Variants in PPP2R3B observed in about 807,000 individuals in gnomAD.
PPP2R3B encodes serine/threonine-protein phosphatase 2A regulatory subunit B'' subunit beta.
PPP2R3B carries 68 observed loss-of-function variants against 72.9 expected under a neutral mutation model. The ratio of observed to expected loss-of-function variants is 0.93; its 90% CI spans 0.77 to 1.14. PPP2R3B has a LOEUF of 1.14. PPP2R3B is among the 50% of genes most tolerant of loss of function. PPP2R3B has a pLI of 0.00. For missense variants in PPP2R3B, 1,018 were observed against 842.0 expected (o/e 1.21, Z -2.59); for synonymous variants, 466 against 375.8 (o/e 1.24, Z -2.78).
At chrX:338,293 G>C in intron 12 of PPP2R3B, 1 of 531,954 alleles carries the variant, frequency 1.9e-6, no homozygotes, top group Non-Finnish European at 3.4e-6. Context: ...GATAAGGACA[G>C]ACGTCGTTGG....
In PPP2R3B at chrX:351,172, C is replaced by T. The variant is rs754704698; in HGVS notation, c.511-3479G>A. On this transcript the variant is annotated intron_variant, in intron 2 of 12. Coordinates refer to ENST00000390665, the MANE Select transcript of PPP2R3B (RefSeq NM_013239.5). Reference sequence around the variant, plus strand: ...CCCCGCAGGACGCACAGGCACGTGCCGGCTCCCGTGATGAGGATCCTGACG... The same window carrying T: ...CCCCGCAGGACGCACAGGCACGTGCTGGCTCCCGTGATGAGGATCCTGACG... Among the ~76,000 whole-genome samples the T allele has an allele frequency of 3.9e-3, 598 of 152,252 alleles. 1 individual carries two copies. Among genetic ancestry groups the T allele is most frequent in the Non-Finnish European group, 6.9e-3 (466 of 67,992 alleles).
In PPP2R3B at chrX:361,559, G is replaced by A. The variant is rs200157354; in HGVS notation, c.356C>T (p.Pro119Leu). The change falls in exon 2 of 13, where the codon CCG becomes CTG. Residue 119 changes from proline (P) to leucine (L), a missense_variant. Coordinates refer to ENST00000390665, the MANE Select transcript of PPP2R3B (RefSeq NM_013239.5). ...VQTRKEEPLP[P>L]ATSQSIPTFY... is the part of the protein sequence containing the mutation. ...GGTCGGAATGCTTTGGCTCGTGGCCGGGGGCAGAGGCTCTTCTTTCCGTGT... is the reference window on the plus strand; with the variant it reads ...GGTCGGAATGCTTTGGCTCGTGGCCAGGGGCAGAGGCTCTTCTTTCCGTGT... The A allele has an allele frequency of 7.2e-5, 116 of 1,613,470 alleles. No homozygotes were observed. The highest frequency in any genetic ancestry group is 4.9e-4 in the African/African-American group (37 of 74,922).
chrX:341,086 T>TGCC, intron 9 of PPP2R3B, 146 bp from the exon 10 acceptor site: 12 of 1,101,790 alleles, frequency 1.1e-5, no homozygotes, highest in East Asian at 5.7e-5. Flanking sequence ...CCCTGCCCCC[T>TGCC]GCCGCCCCCA....
chrX:368,310 C>A (rs1302682676), intron 1 of PPP2R3B, among the ~76,000 whole-genome samples: 2 of 123,652 alleles, frequency 1.6e-5, no homozygotes, highest in Admixed American at 7.9e-5. Context: ...GGGGGGAAGG[C>A]CGGGACCACC....
At chrX:353,724 G>A (rs2071375446) in intron 2 of PPP2R3B, among the ~76,000 whole-genome samples, 2 of 152,234 alleles carry the variant, frequency 1.3e-5, no homozygotes, top group Non-Finnish European at 2.9e-5. Context: ...ACACTGTGTG[G>A]TGGACCAGGG....
chrX:335,627 T>C (rs978877302), intron 12 of PPP2R3B: 6 of 152,200 alleles, frequency 3.9e-5, no homozygotes, highest in Non-Finnish European at 8.8e-5. Flanking sequence ...GCGGTGTCCA[T>C]GGCCCACGTC....
intron 2 of PPP2R3B, among the ~76,000 whole-genome samples, chrX:358,951 A>G (rs774432508): frequency 2.2e-3 from 8 of 3,560 alleles, no homozygotes; most frequent in Admixed American, 0.013. Context: ...GGGGTAGGGG[A>G]GGGCGGGGCG....
Position 365,578 on chromosome X carries a change from CAT to C in PPP2R3B, c.325-3990_325-3989del, listed in dbSNP as rs1473829013. Among the ~76,000 whole-genome samples, 11 of 5,728 alleles carry C rather than the reference CAT, an allele frequency of 1.9e-3. 1 individual carries two copies. Among genetic ancestry groups the C allele is most frequent in the African/African-American group, 0.01 (8 of 792 alleles). 3.8% of individuals were successfully genotyped at this position (5,728 alleles called of 152,430 possible). ...AAACGATTAACCAGGTGTGGTGGCG[CAT>C]GCCTGTAATCCCAGCTACTCGGGAG... On this transcript the variant is annotated intron_variant, in intron 1 of 12. Coordinates refer to ENST00000390665, the MANE Select transcript of PPP2R3B (RefSeq NM_013239.5).
At position 351,529 on chromosome X, in the gene PPP2R3B, C is replaced by T. The variant is rs2071332837; in HGVS notation, c.511-3836G>A. ...GCTGGAGTGCAGTGTGTGATCACAGCGTGATCCATTTTTATTCTACTTGTT... is the reference window on the plus strand; with the variant it reads ...GCTGGAGTGCAGTGTGTGATCACAGTGTGATCCATTTTTATTCTACTTGTT... On this transcript the variant is annotated intron_variant, in intron 2 of 12. Coordinates refer to ENST00000390665, the MANE Select transcript of PPP2R3B (RefSeq NM_013239.5). Among the ~76,000 whole-genome samples the T allele has an allele frequency of 1.3e-5, 2 of 151,880 alleles. 1 individual carries two copies. The highest frequency in any genetic ancestry group is 1.3e-4 in the Admixed American group (2 of 15,220).
At chrX:358,939 C>T (rs867143473) in intron 2 of PPP2R3B, among the ~76,000 whole-genome samples, 3 of 2,820 alleles carry the variant, frequency 1.1e-3, no homozygotes, top group South Asian at 8.9e-3. Flanking sequence ...AGCACCGCGG[C>T]GGGGGTAGGG....
intron 1 of PPP2R3B, among the ~76,000 whole-genome samples, chrX:379,074 TGTGTGTATGCACCTAC>T (rs1341259316): frequency 3.4e-4 from 52 of 150,868 alleles, no homozygotes; most frequent in African/African-American, 1.2e-3. Context: ...TGCACCTGTG[TGTGTGTATGCACCTAC>T]GTGTGTGTGT....
At position 386,686 on chromosome X, in the gene PPP2R3B, C is replaced by T; in HGVS notation, c.6G>A (p.Pro2=). 1 of 1,301,810 alleles carries T rather than the reference C, an allele frequency of 7.7e-7. No homozygotes were observed. The highest frequency in any genetic ancestry group is 9.7e-7 in the Non-Finnish European group (1 of 1,028,588). The allele number at this position is 1,301,810 out of a possible 1,614,324, so 80.6% of individuals were successfully genotyped here. A position where few individuals can be genotyped will look rare whatever the true frequency, so the allele number is the denominator to read the frequency against. Reference sequence around the variant, plus strand: ...GGACCGGCTGCAGCACTTTGCCGGGCGGCATGGCGGGGGCTGGGCCCGCGG... The same window carrying T: ...GGACCGGCTGCAGCACTTTGCCGGGTGGCATGGCGGGGGCTGGGCCCGCGG... M[P]PGKVLQPVLK... Residue 2 remains proline (P), a synonymous_variant, in exon 1 of 13, where the codon CCG becomes CCA. Coordinates refer to ENST00000390665, the MANE Select transcript of PPP2R3B (RefSeq NM_013239.5).
chrX:386,834 G>A lies in PPP2R3B; in HGVS notation c.-143C>T. ...GCAGGGAACAGGGCCCGCGCCTCGGGAACTGCGCGGACTCGCGGGGCGCGG... is the reference window on the plus strand; with the variant it reads ...GCAGGGAACAGGGCCCGCGCCTCGGAAACTGCGCGGACTCGCGGGGCGCGG... On this transcript the variant is annotated 5_prime_UTR_variant, in exon 1 of 13. Coordinates refer to ENST00000390665, the MANE Select transcript of PPP2R3B (RefSeq NM_013239.5). The A allele has an allele frequency of 3.0e-6, 1 of 338,646 alleles. No individual in the cohort carries two copies. The highest frequency in any genetic ancestry group is 5.5e-5 in the Admixed American group (1 of 18,128). The allele number at this position is 338,646 out of a possible 1,614,324, so 21.0% of individuals were successfully genotyped here.
chrX:341,847 G>A (rs1313308241), intron 8 of PPP2R3B, 36 bp downstream of exon 8: 4 of 1,609,382 alleles, frequency 2.5e-6, no homozygotes, highest in Admixed American at 3.3e-5. Context: ...CCTCGCAGGG[G>A]CAATGGCTGC....
intron 1 of PPP2R3B, among the ~76,000 whole-genome samples, chrX:378,915 C>T (rs1416893842): frequency 6.6e-6 from 1 of 152,260 alleles, no homozygotes; most frequent in African/African-American, 2.4e-5. Flanking sequence ...CGCACGAAAC[C>T]TTCAGAAACC....
rs767616923 is a variant in PPP2R3B, at chrX:359,172, C to T, written c.510+2233G>A. Among the ~76,000 whole-genome samples the T allele has an allele frequency of 9.2e-5, 14 of 152,348 alleles. No individual in the cohort carries two copies. In the East Asian group the frequency reaches 1.5e-3, roughly 17 times the overall value. The stretch of plus-strand genomic sequence containing the variant: ...TGTGGGTGGGGCCGGGCGCACTCCG[C>T]GAGGGTGAGTTCTCCACACAACGGA... On this transcript the variant is annotated intron_variant, in intron 2 of 12. Coordinates refer to ENST00000390665, the MANE Select transcript of PPP2R3B (RefSeq NM_013239.5).
Position 340,900 on chromosome X carries a change from C to A in PPP2R3B, c.1216G>T (p.Gly406Cys), listed in dbSNP as rs774515110. ...WFRCMDLDGD[G>C]ALSMFELEYF... is the part of the protein sequence containing the mutation. ...TCGAGCTCGAACATGGACAGGGCGC[C>A]GTCCCCGTCCAGGTCCATGCAGCGG... The change falls in exon 10 of 13, where the codon GGC (glycine) becomes TGC (cysteine). Residue 406 changes from glycine (G) to cysteine (C), a missense_variant. Transcript: ENST00000390665. 1 of 1,611,974 alleles carries A rather than the reference C, an allele frequency of 6.2e-7. No homozygotes were observed. The highest frequency in any genetic ancestry group is 1.1e-5 in the South Asian group (1 of 91,050).
chrX:367,173 T>G (rs2071737171), intron 1 of PPP2R3B, among the ~76,000 whole-genome samples: 1 of 151,970 alleles, frequency 6.6e-6, no homozygotes, highest in South Asian at 2.1e-4. Context: ...AGGTTGGAAT[T>G]GAAAGAAGGG....
intron 12 of PPP2R3B, chrX:334,844 G>A (rs1489443972): frequency 6.2e-5 from 19 of 305,220 alleles, no homozygotes; most frequent in Non-Finnish European, 9.6e-5. Flanking sequence ...CAACTGGGTC[G>A]TGGTGTCCAC....
Sources: allele counts gnomAD v4.1 joint callset (sites outside exome capture counted in the v4.1 genomes callset), GRCh38; gene constraint gnomAD v4.1.1; transcripts MANE v1.5; gene names NCBI Gene and HGNC (gene_info 2026-07-23, HGNC 2026-07-21).